Variants in PSD4 observed in about 807,000 individuals in gnomAD.
PSD4 encodes the protein PH and SEC7 domain-containing protein 4.
PSD4 carries 59 observed loss-of-function variants against 112.5 expected under a neutral mutation model. That is an observed-to-expected ratio of 0.52 (90% CI 0.43 to 0.65). PSD4 has a LOEUF of 0.65. Among genes scored for constraint, PSD4 ranks in the 30% least tolerant of loss-of-function variants. The pLI is 0.00. For missense variants in PSD4, 1,267 were observed against 1,352.6 expected (o/e 0.94, Z 0.99); for synonymous variants, 533 against 540.0 (o/e 0.99, Z 0.18).
chr2:113,182,961 G>T lies in PSD4; in HGVS notation c.505G>T (p.Asp169Tyr). The T allele has an allele frequency of 6.2e-7, 1 of 1,614,224 alleles. No homozygotes were observed. Among genetic ancestry groups the T allele is most frequent in the Non-Finnish European group, 8.5e-7 (1 of 1,180,044 alleles). The stretch of plus-strand genomic sequence containing the variant: ...CCTGCAGGCCCAGATGTGTGTCCTA[G>T]ACCTGGAGGAGGAGCTGGAGAAGAC... ...GILQAQMCVL[D>Y]LEEELEKTEG... The change falls in exon 2 of 17, where the codon GAC becomes TAC. Residue 169 changes from aspartate (D) to tyrosine (Y), a missense_variant. By Grantham distance (160) the Asp-to-Tyr change is radical. Coordinates refer to ENST00000245796, the MANE Select transcript of PSD4 (RefSeq NM_012455.3).
At chr2:113,185,507 A>G in intron 4 of PSD4, 67 bp downstream of exon 4, 1 of 1,612,818 alleles carries the variant, frequency 6.2e-7, no homozygotes, top group Non-Finnish European at 8.5e-7. Flanking sequence ...AGTGGGGACA[A>G]AGATCATTCT....
chr2:113,199,236 C>G lies in PSD4; in HGVS notation c.2913+10C>G. On this transcript the variant is annotated intron_variant, in intron 16 of 16. Transcript: ENST00000245796. ...GTACCTGGAGTACGAGGTGAGCGGC[C>G]GAGCCCACCTCCCCGCCGCTGCGCA... 16 of 1,469,106 alleles carry G rather than the reference C, an allele frequency of 1.1e-5. No homozygotes were observed. The highest frequency in any genetic ancestry group is 3.9e-5 in the South Asian group (3 of 76,412). 91.0% of individuals were successfully genotyped at this position (1,469,106 alleles called of 1,614,324 possible).
rs901409337 is a variant in PSD4, at chr2:113,193,094, C to T, written c.1885C>T (p.Gln629Ter). The change falls in exon 7 of 17, where the codon CAG (glutamine) becomes TAG (stop). Residue 629 changes from glutamine (Q) to a stop codon, truncating the protein, a stop_gained. Coordinates refer to ENST00000245796, the MANE Select transcript of PSD4 (RefSeq NM_012455.3). LOFTEE classifies it high-confidence loss of function. Reference protein sequence around the residue: ...AVAEEYLSFFQFGGQSLDRAL... With the variant: ...AVAEEYLSFF ...GGCTGAGGAGTACCTGTCCTTCTTC[C>T]AGTTTGGAGGCCAGAGTCTGGACCG... 8.1e-6 allele frequency: 13 copies of T among 1,614,188 alleles called. No individual in the cohort carries two copies. Among genetic ancestry groups the T allele is most frequent in the African/African-American group, 1.3e-5 (1 of 75,062 alleles).
At chr2:113,199,023 G>T in intron 15 of PSD4, 60 bp from the exon 16 acceptor site, 2 of 1,510,558 alleles carry the variant, frequency 1.3e-6, no homozygotes, top group Non-Finnish European at 1.8e-6. Context: ...GCGCGCCCGG[G>T]CCCGGAAAGC....
chr2:113,188,717 A>C (rs1448414237), intron 5 of PSD4, among the ~76,000 whole-genome samples: 1 of 151,978 alleles, frequency 6.6e-6, no homozygotes, highest in East Asian at 1.9e-4. Flanking sequence ...AGTAGCTGGG[A>C]CTACAGGCGC....
rs759679544 is a variant in PSD4 at position 113,185,023 on chromosome 2, G to A, written c.1123G>A (p.Gly375Arg). 8.7e-6 allele frequency: 14 copies of A among 1,614,154 alleles called. No homozygotes were observed. The highest frequency in any genetic ancestry group is 8.3e-5 in the Admixed American group (5 of 60,018). Reference protein sequence around the residue: ...CVDEALTWESGCVGSDLGPAA... With the variant: ...CVDEALTWESRCVGSDLGPAA... ...GGACGAAGCATTGACCTGGGAATCA[G>A]GATGTGTCGGATCTGATCTTGGCCC... The change falls in exon 3 of 17, where the codon GGA becomes AGA. Residue 375 changes from glycine (G) to arginine (R), a missense_variant. Transcript: ENST00000245796.
rs983167893 is a variant in PSD4, at chr2:113,196,142, T to C, written c.2226-5T>C. 6.2e-7 allele frequency: 1 copy of C among 1,606,170 alleles called. No homozygotes were observed. Among genetic ancestry groups the C allele is most frequent in the Admixed American group, 1.7e-5 (1 of 59,872 alleles). ...GCACTTCCAGCCCGATTCTCTGATG[T>C]TCAGGGATGAAGAAGACACAGCCAG... On this transcript the variant is annotated splice_polypyrimidine_tract_variant and splice_region_variant and intron_variant, in intron 11 of 16. Coordinates refer to ENST00000245796, the MANE Select transcript of PSD4 (RefSeq NM_012455.3).
At chr2:113,187,063 G>A (rs537042339) in intron 5 of PSD4, among the ~76,000 whole-genome samples, 153 of 152,310 alleles carry the variant, frequency 1.0e-3, no homozygotes, top group East Asian at 3.9e-3. Context: ...GGTGGGGCCC[G>A]GAGGAGCTGG....
chr2:113,196,446 C>A, intron 12 of PSD4, 139 bp downstream of exon 12: 1 of 1,111,836 alleles, frequency 9.0e-7, no homozygotes, highest in Non-Finnish European at 1.3e-6. Context: ...TTCCTCAGTG[C>A]GTACTGAACA....
chr2:113,189,529 C>A (rs1019300564), intron 5 of PSD4, among the ~76,000 whole-genome samples: 1 of 152,068 alleles, frequency 6.6e-6, no homozygotes, highest in Non-Finnish European at 1.5e-5. Context: ...TGGGTAGATA[C>A]CCAGTAGTGG....
rs1688641875 is a variant in PSD4 at position 113,197,430 on chromosome 2, G to A, written c.2387-134G>A. 10 of 867,158 alleles carry A rather than the reference G, an allele frequency of 1.2e-5. No homozygotes were observed. The Middle Eastern group carries it at 8.6e-4, about 74-fold the overall frequency. 53.7% of individuals were successfully genotyped at this position (867,158 alleles called of 1,614,324 possible). A position where few individuals can be genotyped will look rare whatever the true frequency, so the allele number is the denominator to read the frequency against. ...GTGTTTTCTTGTGTTGGCATGTTCT[G>A]CATTTGTGTGCATCCTGGTGAGAGA... On this transcript the variant is annotated intron_variant, in intron 12 of 16. Coordinates refer to ENST00000245796, the MANE Select transcript of PSD4 (RefSeq NM_012455.3).
rs1445692417 is a variant in PSD4 at position 113,207,408 on chromosome 2, T to C, written c.*5993T>C. On this transcript the variant is annotated 3_prime_UTR_variant, in exon 17 of 17. Transcript: ENST00000245796. The stretch of plus-strand genomic sequence containing the variant: ...CCTTCCCTAAGTCTTCCTCCTTCAG[T>C]TTCTATTACATGAAACTCTGTAACT... The C allele has an allele frequency of 1.3e-5, 2 of 151,868 alleles. No homozygotes were observed. Among genetic ancestry groups the C allele is most frequent in the Non-Finnish European group, 2.9e-5 (2 of 68,038 alleles). 9.4% of individuals were successfully genotyped at this position (151,868 alleles called of 1,614,324 possible).
At chr2:113,198,197 G>C in intron 14 of PSD4, 1 of 396,180 alleles carries the variant, frequency 2.5e-6, no homozygotes, top group Admixed American at 4.1e-5. Context: ...ACAGGATTCC[G>C]GGAAGTTGCT....
At chr2:113,200,654 G>A (rs1688750086) in intron 16 of PSD4, among the ~76,000 whole-genome samples, 1 of 152,196 alleles carries the variant, frequency 6.6e-6, no homozygotes, top group Non-Finnish European at 1.5e-5. Context: ...GGAGGGTGAG[G>A]AAGCACTTTG....
chr2:113,186,455 A>G lies in PSD4; in HGVS notation c.1628+200A>G, dbSNP rs189850002. ...AAGCATCAGAAACAAAACAGCAGAT[A>G]GTTATACACGTGGAGGCGAGATCTG... On this transcript the variant is annotated intron_variant, in intron 5 of 16. Transcript: ENST00000245796. 2.8e-3 allele frequency among the ~76,000 whole-genome samples: 429 copies of G among 152,344 alleles called. 1 individual carries two copies. Among genetic ancestry groups the G allele is most frequent in the African/African-American group, 9.9e-3 (411 of 41,574 alleles).
In PSD4 at chr2:113,190,270, G is replaced by A. The variant is rs45586833; in HGVS notation, c.1629-2110G>A. On this transcript the variant is annotated intron_variant, in intron 5 of 16. Coordinates refer to ENST00000245796, the MANE Select transcript of PSD4 (RefSeq NM_012455.3). ...TCCCAACACCATTTGTTGAAAAAGT[G>A]TGTCCTCCTTGTGGCTAGCCAATTA... is the stretch of plus-strand genomic sequence containing the variant. Among the ~76,000 whole-genome samples, 123 of 152,164 alleles carry A rather than the reference G, an allele frequency of 8.1e-4. 1 individual carries two copies. Among genetic ancestry groups the A allele is most frequent in the African/African-American group, 2.8e-3 (118 of 41,522 alleles).
At chr2:113,187,287 T>G (rs1322335689) in intron 5 of PSD4, among the ~76,000 whole-genome samples, 1 of 152,234 alleles carries the variant, frequency 6.6e-6, no homozygotes, top group Non-Finnish European at 1.5e-5. Context: ...TTTTCTCCAA[T>G]GCAAGGCACG....
At chr2:113,196,597 A>G in intron 12 of PSD4, 1 of 327,746 alleles carries the variant, frequency 3.1e-6, no homozygotes. Flanking sequence ...TGCGAAAAAA[A>G]TGTAGCAAGA....
At chr2:113,189,534 T>A (rs189132044) in intron 5 of PSD4, among the ~76,000 whole-genome samples, 54 of 152,316 alleles carry the variant, frequency 3.5e-4, no homozygotes, top group Middle Eastern at 3.4e-3. Context: ...AGATACCCAG[T>A]AGTGGGATTG....
Sources: allele counts gnomAD v4.1 joint callset (sites outside exome capture counted in the v4.1 genomes callset), GRCh38; gene constraint gnomAD v4.1.1; transcripts MANE v1.5; gene names NCBI Gene and HGNC (gene_info 2026-07-23, HGNC 2026-07-21).